ATP2C2: variants seen among roughly 807,000 people sequenced by gnomAD.
ATP2C2 encodes ATPase secretory pathway Ca2+ transporting 2.
Under a neutral mutation model 110.8 loss-of-function variants are expected in ATP2C2, and 171 were observed. The ratio of observed to expected loss-of-function variants is 1.54; its 90% CI spans 1.36 to 1.75. The LOEUF (loss-of-function observed/expected upper bound fraction) is 1.75, where lower values mean the gene tolerates loss of function less well. ATP2C2 is among the 40% of genes most tolerant of loss of function. The pLI is 0.00. For synonymous variants in ATP2C2, 804 were observed against 508.4 expected, an observed-to-expected ratio of 1.58 and a Z score of -7.82; for missense variants, 1,963 against 1,235.0, an observed-to-expected ratio of 1.59 and a Z score of -8.84.
chr16:84,394,002 C>CAAAAAAAAAAAAA (rs202138049), intron 1 of ATP2C2, among the ~76,000 whole-genome samples: 1 of 117,456 alleles, frequency 8.5e-6, no homozygotes, highest in Non-Finnish European at 1.8e-5. Context: ...TTAAAAATAC[C>CAAAAAAAAAAAAA]AAAAAAAATA....
At chr16:84,411,541 A>G (rs1012106626) in intron 6 of ATP2C2, among the ~76,000 whole-genome samples, 3 of 152,120 alleles carry the variant, frequency 2.0e-5, no homozygotes, top group African/African-American at 7.2e-5. Flanking sequence ...TCCTGGGTTC[A>G]AGCAGTTCTC....
At position 84,459,177 on chromosome 16, in the gene ATP2C2, C is replaced by G. The variant is rs1438460528; in HGVS notation, c.2205C>G (p.Phe735Leu). ...ACAACATCAAAAACTTTGTCCGATT[C>G]CAGCTGAGCACGTAAGTAGAGGCCA... ...IFYNIKNFVRFQLSTSISALS... is the reference protein window; with the variant it reads ...IFYNIKNFVRLQLSTSISALS... Residue 735 changes from phenylalanine to leucine, a missense_variant, in exon 22 of 27, where the codon TTC becomes TTG. By Grantham distance (22) the Phe-to-Leu change is conservative. Coordinates refer to ENST00000262429, the MANE Select transcript of ATP2C2 (RefSeq NM_014861.4). 3.1e-6 allele frequency: 5 copies of G among 1,614,084 alleles called. No homozygotes were observed. The highest frequency in any genetic ancestry group is 2.2e-5 in the South Asian group (2 of 91,088).
chr16:84,447,860 TAAC>T (rs1193108212), intron 16 of ATP2C2, among the ~76,000 whole-genome samples: 5 of 145,428 alleles, frequency 3.4e-5, no homozygotes, highest in East Asian at 2.0e-4. Flanking sequence ...TATTTATTAA[TAAC>T]ATTAATATGT....
chr16:84,403,631 G>A (rs927402968), intron 2 of ATP2C2, among the ~76,000 whole-genome samples: 3 of 152,018 alleles, frequency 2.0e-5, no homozygotes, highest in Non-Finnish European at 4.4e-5. Context: ...AGTGTACATT[G>A]TAGTTGCATT....
At chr16:84,424,654 A>G (rs1907650625) in intron 10 of ATP2C2, among the ~76,000 whole-genome samples, 1 of 143,896 alleles carries the variant, frequency 6.9e-6, no homozygotes. Context: ...AGTCCCATGG[A>G]CCCCCTAGAA....
intron 24 of ATP2C2, chr16:84,461,511 G>A: frequency 3.2e-6 from 2 of 625,046 alleles, no homozygotes; most frequent in Non-Finnish European, 5.7e-6. Flanking sequence ...TCCTCATGGT[G>A]GCAGCAAATC....
At position 84,448,421 on chromosome 16, in the gene ATP2C2, C is replaced by G. The variant is rs750522892; in HGVS notation, c.1504-112C>G. The G allele has an allele frequency of 1.3e-5, 17 of 1,320,758 alleles. No individual in the cohort carries two copies. The East Asian group carries it at 4.2e-4, about 33-fold the overall frequency. The allele number at this position is 1,320,758 out of a possible 1,614,324, so 81.8% of individuals were successfully genotyped here. On this transcript the variant is annotated intron_variant, in intron 16 of 26. Coordinates refer to ENST00000262429, the MANE Select transcript of ATP2C2 (RefSeq NM_014861.4). ...AGCACCAGCCTATGATAAATAACTC[C>G]GCTGCAAAGATCCCCGTGTGTGTCT...
At chr16:84,461,177 A>G in intron 24 of ATP2C2, 1 of 258,288 alleles carries the variant, frequency 3.9e-6, no homozygotes, top group Non-Finnish European at 7.3e-6. Flanking sequence ...CTTTGGATCT[A>G]GGCCTGGGTC....
chr16:84,460,716 C>A lies in ATP2C2; in HGVS notation c.2396C>A (p.Thr799Asn), dbSNP rs189007525. Reference protein sequence around the residue: ...FRQPPRSVRDTILSRALILKI... With the variant: ...FRQPPRSVRDNILSRALILKI... ...CAGCCACCACGGAGTGTGCGGGACA[C>A]CATCCTCAGCAGAGCCCTCATCCTG... The change falls in exon 24 of 27, where the codon ACC becomes AAC. Residue 799 changes from threonine to asparagine, a missense_variant. By Grantham distance (65) the Thr-to-Asn change is moderately conservative. Transcript: ENST00000262429. 5.4e-5 allele frequency: 87 copies of A among 1,614,194 alleles called. No homozygotes were observed. The highest frequency in any genetic ancestry group is 1.7e-4 in the Middle Eastern group (1 of 6,060).
chr16:84,462,349 CAA>C, intron 26 of ATP2C2: 1 of 588,934 alleles, frequency 1.7e-6, no homozygotes, highest in Non-Finnish European at 2.9e-6. Context: ...GCCTGTCACT[CAA>C]GAGTAGTAGG....
At chr16:84,443,859 TC>T (rs910717060) in intron 15 of ATP2C2, among the ~76,000 whole-genome samples, 2 of 152,124 alleles carry the variant, frequency 1.3e-5, no homozygotes, top group African/African-American at 2.4e-5. Flanking sequence ...CAGGTGCTTT[TC>T]CCCAGTGTAA....
At chr16:84,460,595 A>C (rs758097216) in intron 23 of ATP2C2, 59 bp from the exon 24 acceptor site, 10 of 1,611,690 alleles carry the variant, frequency 6.2e-6, no homozygotes, top group East Asian at 2.2e-5. Flanking sequence ...CAGCTGTTTC[A>C]AGGGTCCTTT....
chr16:84,434,265 A>G (rs967655244), intron 11 of ATP2C2, among the ~76,000 whole-genome samples: 3 of 143,818 alleles, frequency 2.1e-5, no homozygotes, highest in Admixed American at 2.1e-4. Flanking sequence ...AAAATACAAA[A>G]ATTAGCCAGG....
chr16:84,449,324 C>A (rs972895325), intron 17 of ATP2C2, among the ~76,000 whole-genome samples: 1 of 152,170 alleles, frequency 6.6e-6, no homozygotes, highest in African/African-American at 2.4e-5. Flanking sequence ...GGGGCGAGAC[C>A]CTTGCGGCTT....
chr16:84,383,859 G>A (rs1427838731), intron 1 of ATP2C2, among the ~76,000 whole-genome samples: 8 of 143,216 alleles, frequency 5.6e-5, no homozygotes, highest in South Asian at 2.2e-4. Context: ...GCGCAATCTC[G>A]GCTCACTGCA....
At chr16:84,397,549 C>T (rs778131538) in intron 1 of ATP2C2, among the ~76,000 whole-genome samples, 11 of 149,680 alleles carry the variant, frequency 7.3e-5, no homozygotes, top group Admixed American at 2.0e-4. Context: ...ATAGCATGCA[C>T]CTGTGGTCCT....
intron 7 of ATP2C2, among the ~76,000 whole-genome samples, chr16:84,421,965 T>A (rs1054830526): frequency 6.6e-6 from 1 of 152,144 alleles, no homozygotes; most frequent in African/African-American, 2.4e-5. Context: ...GTTTCTGGTG[T>A]TACTGTTGCC....
At chr16:84,460,348 G>GA (rs376234583) in intron 23 of ATP2C2, 188,335 of 408,318 alleles carry the variant, frequency 0.46, 42,873 homozygotes, top group East Asian at 0.68. Flanking sequence ...GCGCAACGTT[G>GA]GGGGGGGTCC....
At chr16:84,441,829 G>T (rs936129578) in intron 14 of ATP2C2, among the ~76,000 whole-genome samples, 2 of 152,138 alleles carry the variant, frequency 1.3e-5, no homozygotes, top group African/African-American at 4.8e-5. Flanking sequence ...GCCTGAGACA[G>T]GAGAATTGCC....
Sources: gnomAD v4.1 joint callset for allele counts (sites outside exome capture counted in the v4.1 genomes callset) on GRCh38, gnomAD v4.1.1 for gene constraint, MANE v1.5 for transcripts, NCBI Gene and HGNC (gene_info 2026-07-23, HGNC 2026-07-21) for gene names.